The following TUBGCP3 variants were observed in gnomAD, a reference collection of about 807,000 sequenced individuals.
TUBGCP3 encodes the protein tubulin gamma complex component 3.
Under a neutral mutation model 123.1 loss-of-function variants are expected in TUBGCP3, and 50 were observed. The ratio of observed to expected loss-of-function variants is 0.41; its 90% CI spans 0.32 to 0.51. TUBGCP3 has a LOEUF of 0.51. TUBGCP3 is among the 20% of genes least tolerant of loss of function. The pLI is 0.36. For missense variants in TUBGCP3, 882 were observed against 1,127.0 expected (o/e 0.78, Z 3.11); for synonymous variants, 405 against 413.9 (o/e 0.98, Z 0.26).
At chr13:112,595,430 C>G in the TUBGCP3 span, among the ~76,000 whole-genome samples, 1 of 152,250 alleles carries the variant, frequency 6.6e-6, no homozygotes, top group Admixed American at 6.5e-5. Context: ...ATCTCCTGAC[C>G]TCGTGATCCA....
intron 11 of TUBGCP3, among the ~76,000 whole-genome samples, chr13:112,534,547 A>AAAAAC (rs775724347): frequency 2.8e-4 from 42 of 152,242 alleles, no homozygotes; most frequent in Non-Finnish European, 4.7e-4. Flanking sequence ...ACTCCGTCTC[A>AAAAAC]AAAACAAAAC....
At chr13:112,499,731 G>A (rs1880774388) in intron 19 of TUBGCP3, among the ~76,000 whole-genome samples, 1 of 152,070 alleles carries the variant, frequency 6.6e-6, no homozygotes, top group African/African-American at 2.4e-5. Flanking sequence ...ACCTTAACAT[G>A]AGGAAAAAAC....
rs1412374571 is a variant in TUBGCP3, at chr13:112,524,627, C to T, written c.1556-2118G>A. ...GGAACAATCTGGGGTCTATGTACCC[C>T]CCCACAAAAAAATACATGTAAAATT... On this transcript the variant is annotated intron_variant, in intron 13 of 21. Coordinates refer to ENST00000261965, the MANE Select transcript of TUBGCP3 (RefSeq NM_006322.6). The surrounding 1 kb of genome is among the most constrained non-coding windows in gnomAD (Gnocchi z 4.4). 2.6e-5 allele frequency among the ~76,000 whole-genome samples: 4 copies of T among 152,096 alleles called. No homozygotes were observed. The highest frequency in any genetic ancestry group is 2.0e-4 in the Admixed American group (3 of 15,272).
intron 11 of TUBGCP3, among the ~76,000 whole-genome samples, chr13:112,534,727 C>T (rs570459893): frequency 7.9e-5 from 12 of 152,222 alleles, no homozygotes; most frequent in African/African-American, 2.4e-4. Flanking sequence ...CTACCGTAGC[C>T]GGCATCCCTC....
At chr13:112,491,771 C>G (rs571918188) in intron 20 of TUBGCP3, among the ~76,000 whole-genome samples, 117 of 152,312 alleles carry the variant, frequency 7.7e-4, no homozygotes, top group Non-Finnish European at 5.9e-4. Context: ...CAGGCATGAG[C>G]CACCACGCCC....
At chr13:112,573,268 G>A (rs1262936791) in intron 1 of TUBGCP3, among the ~76,000 whole-genome samples, 1 of 151,564 alleles carries the variant, frequency 6.6e-6, no homozygotes, top group Non-Finnish European at 1.5e-5. Context: ...TTAAAAGTAT[G>A]AAGGCAGATG....
intron 11 of TUBGCP3, among the ~76,000 whole-genome samples, chr13:112,534,974 AT>A (rs1465076488): frequency 3.3e-5 from 5 of 152,140 alleles, no homozygotes; most frequent in Non-Finnish European, 7.4e-5. Context: ...CCCTGACAAC[AT>A]TAACTACTTT....
At chr13:112,561,816 A>G (rs895846912) in intron 3 of TUBGCP3, among the ~76,000 whole-genome samples, 2 of 152,236 alleles carry the variant, frequency 1.3e-5, no homozygotes, top group African/African-American at 4.8e-5. Flanking sequence ...ATCTCAGATT[A>G]TATTTTAGCA....
Position 112,514,062 on chromosome 13 carries a change from C to T in TUBGCP3, c.2086+2378G>A, listed in dbSNP as rs1356967973. On this transcript the variant is annotated intron_variant, in intron 17 of 21. Transcript: ENST00000261965. ...TCTCAGTTATCAGGTCAACAGATCA[C>T]GAGAAAAACAGGTGAGCACAGTACG... 3.9e-5 allele frequency among the ~76,000 whole-genome samples: 6 copies of T among 152,182 alleles called. No individual in the cohort carries two copies. In the South Asian group the frequency reaches 6.2e-4, roughly 16 times the overall value.
At chr13:112,604,162 T>C in the TUBGCP3 span, 1 of 152,240 alleles carries the variant, frequency 6.6e-6, no homozygotes, top group Admixed American at 6.5e-5. Flanking sequence ...CAGTCTCTTA[T>C]TAGGTTTCAT....
chr13:112,550,578 C>T (rs1046890105), intron 8 of TUBGCP3, among the ~76,000 whole-genome samples: 3 of 152,216 alleles, frequency 2.0e-5, no homozygotes, highest in African/African-American at 7.2e-5. Flanking sequence ...AACCTCTAGG[C>T]TCATCTACAA....
rs1878957331 is a variant in TUBGCP3, at chr13:112,545,996, C to CA, written c.1169-132dup. On this transcript the variant is annotated intron_variant, in intron 10 of 21. Transcript: ENST00000261965. The surrounding 1 kb of genome is among the most constrained non-coding windows in gnomAD (Gnocchi z 4.1). Reference sequence around the variant, plus strand: ...GCATTTGTTTTCTTACAGTTAATACCACTTTGGACCTAGAAGCAGCAGTAA... The same window carrying CA: ...GCATTTGTTTTCTTACAGTTAATACCAACTTTGGACCTAGAAGCAGCAGTAA... 4.2e-6 allele frequency: 4 copies of CA among 953,050 alleles called. No homozygotes were observed. Among genetic ancestry groups the CA allele is most frequent in the Non-Finnish European group, 6.1e-6 (4 of 653,764 alleles). The allele number at this position is 953,050 out of a possible 1,614,324, so 59.0% of individuals were successfully genotyped here. A position where few individuals can be genotyped will look rare whatever the true frequency, so the allele number is the denominator to read the frequency against.
At chr13:112,582,332 A>T (rs1160567830) in intron 1 of TUBGCP3, among the ~76,000 whole-genome samples, 2 of 152,258 alleles carry the variant, frequency 1.3e-5, no homozygotes, top group Non-Finnish European at 1.5e-5. Context: ...ACAGTGGTTA[A>T]TGAGACAGAC....
intron 11 of TUBGCP3, among the ~76,000 whole-genome samples, chr13:112,536,623 ATTT>A (rs1263897023): frequency 6.6e-6 from 1 of 152,196 alleles, no homozygotes; most frequent in South Asian, 2.1e-4. Flanking sequence ...AATATAAATG[ATTT>A]TTGTTATTGA....
rs530234966 is a variant in TUBGCP3 at position 112,556,134 on chromosome 13, A to G, written c.639T>C (p.Ser213=). The G allele has an allele frequency of 6.3e-5, 101 of 1,614,136 alleles. No homozygotes were observed. The South Asian group carries it at 9.9e-4, about 16-fold the overall frequency. Residue 213 remains serine, a synonymous_variant, in exon 6 of 22, where the codon TCT becomes TCC. Transcript: ENST00000261965. ...CACCTTTTGAGGTAGTGGCTTGTGA[A>G]GAAGGCTGATTTGCAGTTAAAGTCC... ...LAWTLTANQP[S]SQATTSKGVP...
intron 1 of TUBGCP3, among the ~76,000 whole-genome samples, chr13:112,584,796 C>T (rs1025458284): frequency 6.6e-6 from 1 of 152,182 alleles, no homozygotes; most frequent in African/African-American, 2.4e-5. Context: ...CAGATTTGAA[C>T]ATTAACATCA....
In TUBGCP3 at chr13:112,516,528, G is replaced by A. The variant is rs971037438; in HGVS notation, c.1998C>T (p.Phe666=). Residue 666 remains phenylalanine (F), a synonymous_variant, in exon 17 of 22, where the codon TTC becomes TTT. Coordinates refer to ENST00000261965, the MANE Select transcript of TUBGCP3 (RefSeq NM_006322.6). ...ATTCCATCCGCTTCGCCCTCCAGAG[G>A]AAGTTAAATACTCTTAGGTAGTGGC... is the stretch of plus-strand genomic sequence containing the variant. ...CMSHYLRVFN[F]LWRAKRMEYI... 14 of 1,614,114 alleles carry A rather than the reference G, an allele frequency of 8.7e-6. No individual in the cohort carries two copies. The highest frequency in any genetic ancestry group is 9.3e-6 in the Non-Finnish European group (11 of 1,180,030).
intron 1 of TUBGCP3, among the ~76,000 whole-genome samples, chr13:112,585,134 T>C (rs1882518462): frequency 1.3e-5 from 2 of 152,214 alleles, no homozygotes; most frequent in Non-Finnish European, 2.9e-5. Flanking sequence ...TATGCCTTGA[T>C]TTCATAGTAC....
intron 1 of TUBGCP3, among the ~76,000 whole-genome samples, chr13:112,578,021 TCTGA>T (rs1566592393): frequency 6.6e-6 from 1 of 152,188 alleles, no homozygotes; most frequent in South Asian, 2.1e-4. Context: ...GGCTTGCATG[TCTGA>T]CTAACGTAAA....
Sources: gnomAD v4.1 joint callset for allele counts (sites outside exome capture counted in the v4.1 genomes callset) on GRCh38, gnomAD v4.1.1 for gene constraint, Gnocchi (gnomAD v3.1) non-coding constraint, MANE v1.5 for transcripts, NCBI Gene and HGNC (gene_info 2026-07-23, HGNC 2026-07-21) for gene names.